The following TIAM2 variants were observed in gnomAD, a reference collection of about 807,000 sequenced individuals.
TIAM2 encodes the protein TIAM Rac1 associated GEF 2.
In TIAM2, 80 loss-of-function variants were observed where a neutral mutation model predicts 152.9. The observed-to-expected ratio is 0.52, with a 90% CI of 0.44 to 0.63. The LOEUF is 0.63. Among genes scored for constraint, TIAM2 ranks in the 30% least tolerant of loss-of-function variants. The pLI, the probability that TIAM2 is intolerant of heterozygous loss-of-function variation, is 0.00. For synonymous variants in TIAM2, 804 were observed against 838.0 expected (o/e 0.96, Z 0.70); for missense variants, 1,965 against 2,120.1 (o/e 0.93, Z 1.44).
chr6:155,175,363 C>T (rs1583230822), intron 9 of TIAM2, among the ~76,000 whole-genome samples: 1 of 152,076 alleles, frequency 6.6e-6, no homozygotes, highest in Non-Finnish European at 1.5e-5. Flanking sequence ...GGATCTTTTA[C>T]TTTGTATTTA....
At chr6:155,160,000 G>GGT (rs906584719) in intron 7 of TIAM2, among the ~76,000 whole-genome samples, 5 of 152,114 alleles carry the variant, frequency 3.3e-5, no homozygotes, top group African/African-American at 1.2e-4. Flanking sequence ...TACCTGAAGA[G>GGT]GTGTGTGTGT....
At chr6:155,133,020 C>T (rs1779482044) in intron 4 of TIAM2, among the ~76,000 whole-genome samples, 2 of 152,150 alleles carry the variant, frequency 1.3e-5, no homozygotes, top group African/African-American at 4.8e-5. Flanking sequence ...CTGCATTGTC[C>T]AAAAACTTAA....
intron 6 of TIAM2, among the ~76,000 whole-genome samples, chr6:155,146,223 A>T (rs547287579): frequency 1.3e-5 from 2 of 152,096 alleles, no homozygotes; most frequent in Non-Finnish European, 2.9e-5. Flanking sequence ...CGAAAGAACA[A>T]TAAAAAAATT....
At chr6:155,070,930 G>A (rs976704567) in intron 1 of TIAM2, among the ~76,000 whole-genome samples, 1 of 152,124 alleles carries the variant, frequency 6.6e-6, no homozygotes, top group African/African-American at 2.4e-5. Context: ...CCAGCTCTTT[G>A]GGAAGTCAAA....
At chr6:155,026,838 A>G (rs1336455363) in intron 1 of TIAM2, among the ~76,000 whole-genome samples, 1 of 152,170 alleles carries the variant, frequency 6.6e-6, no homozygotes, top group Non-Finnish European at 1.5e-5. Context: ...TAGTTACGGG[A>G]GACTGGGCTA....
chr6:155,052,244 A>G (rs888343271), intron 1 of TIAM2, among the ~76,000 whole-genome samples: 3 of 152,200 alleles, frequency 2.0e-5, no homozygotes, highest in African/African-American at 7.2e-5. Flanking sequence ...TGCAGAATCT[A>G]ATAAAACCAC....
At chr6:155,139,898 C>G (rs988962947) in intron 5 of TIAM2, among the ~76,000 whole-genome samples, 1 of 152,200 alleles carries the variant, frequency 6.6e-6, no homozygotes, top group Non-Finnish European at 1.5e-5. Flanking sequence ...TGAGATCATG[C>G]CACTGCACTC....
chr6:155,191,623 C>G (rs1204219016), intron 14 of TIAM2, among the ~76,000 whole-genome samples: 2 of 152,094 alleles, frequency 1.3e-5, no homozygotes, highest in Non-Finnish European at 2.9e-5. Flanking sequence ...GAAACCCTGT[C>G]TTTACTAAAA....
intron 1 of TIAM2, chr6:155,016,411 A>G (rs1562290428): frequency 2.0e-5 from 3 of 152,086 alleles, no homozygotes; most frequent in Non-Finnish European, 4.4e-5. Flanking sequence ...ATAAAAGGAT[A>G]AAAAAATTAT....
intron 15 of TIAM2, chr6:155,216,581 G>T (rs1315277576): frequency 6.5e-6 from 1 of 153,048 alleles, no homozygotes; most frequent in Non-Finnish European, 1.5e-5. Flanking sequence ...TTTTTCCCCA[G>T]TATTGTTAGC....
chr6:155,244,864 A>T, intron 18 of TIAM2, 81 bp downstream of exon 18: 1 of 1,458,032 alleles, frequency 6.9e-7, no homozygotes, highest in Non-Finnish European at 9.2e-7. Context: ...TCTCATGAGA[A>T]AGAATTTCTT....
intron 14 of TIAM2, among the ~76,000 whole-genome samples, chr6:155,190,079 A>G (rs1011682304): frequency 5.9e-5 from 9 of 152,244 alleles, no homozygotes; most frequent in African/African-American, 2.2e-4. Context: ...GTATCGTTGC[A>G]TGTATCTGAA....
chr6:155,161,151 A>T (rs146957643), intron 7 of TIAM2, among the ~76,000 whole-genome samples: 1 of 152,042 alleles, frequency 6.6e-6, no homozygotes, highest in African/African-American at 2.4e-5. Flanking sequence ...TTTCTGATAA[A>T]ACTTTATGAT....
intron 14 of TIAM2, among the ~76,000 whole-genome samples, chr6:155,190,186 C>T (rs185791254): frequency 2.6e-3 from 400 of 152,288 alleles, no homozygotes; most frequent in Non-Finnish European, 2.7e-3. Context: ...ATTTGATGGC[C>T]ACTGGAGTGT....
intron 2 of TIAM2, among the ~76,000 whole-genome samples, chr6:155,115,983 G>C (rs1343259099): frequency 2.6e-5 from 4 of 152,140 alleles, no homozygotes; most frequent in Non-Finnish European, 5.9e-5. Flanking sequence ...GTAACGGTGT[G>C]TGCCTGTAAT....
intron 1 of TIAM2, among the ~76,000 whole-genome samples, chr6:155,002,890 C>T (rs11963162): frequency 0.029 from 4,327 of 151,668 alleles, 200 homozygotes; most frequent in African/African-American, 0.099. Flanking sequence ...GACAGGGTTT[C>T]ACCATGTTGA....
chr6:155,054,047 C>T (rs928445542), intron 1 of TIAM2, among the ~76,000 whole-genome samples: 2 of 152,120 alleles, frequency 1.3e-5, no homozygotes, highest in South Asian at 2.1e-4. Flanking sequence ...GTGGCAGGCA[C>T]CTGTAGTCCC....
chr6:155,243,853 A>T (rs1480612764), intron 16 of TIAM2, among the ~76,000 whole-genome samples, 158 bp from the exon 17 acceptor site: 2 of 144,648 alleles, frequency 1.4e-5, no homozygotes, highest in Non-Finnish European at 3.0e-5. Flanking sequence ...TCTCAAAAAA[A>T]AAAAAAAAAA....
At chr6:155,076,995 C>T (rs548308454) in intron 1 of TIAM2, among the ~76,000 whole-genome samples, 14 of 152,260 alleles carry the variant, frequency 9.2e-5, no homozygotes, top group African/African-American at 3.1e-4. Flanking sequence ...AGCACCCGGT[C>T]GAAATTCATA....
Sources: gnomAD v4.1 joint callset for allele counts (sites outside exome capture counted in the v4.1 genomes callset) on GRCh38, gnomAD v4.1.1 for gene constraint, MANE v1.5 for transcripts, NCBI Gene and HGNC (gene_info 2026-07-23, HGNC 2026-07-21) for gene names.